Variants in PDLIM5 observed in about 807,000 individuals in gnomAD.
The protein encoded by PDLIM5 is PDZ and LIM domain protein 5.
PDLIM5 carries 34 observed loss-of-function variants against 64.2 expected under a neutral mutation model. That is an observed-to-expected ratio of 0.53 (90% CI 0.40 to 0.71). The LOEUF (loss-of-function observed/expected upper bound fraction) is 0.71, where lower values mean the gene tolerates loss of function less well. Ranked by LOEUF, PDLIM5 falls within the 30% of genes least tolerant of loss-of-function variation. The pLI is 0.00. For missense variants in PDLIM5, 683 were observed against 733.6 expected, an observed-to-expected ratio of 0.93 and a Z score of 0.80; for synonymous variants, 253 against 269.1, an observed-to-expected ratio of 0.94 and a Z score of 0.59.
At chr4:94,504,265 A>C (rs1156809484) in intron 2 of PDLIM5, among the ~76,000 whole-genome samples, 2 of 152,046 alleles carry the variant, frequency 1.3e-5, no homozygotes, top group Non-Finnish European at 2.9e-5. Flanking sequence ...GTGTAATGAG[A>C]ATCAGAACTT....
chr4:94,617,970 C>G (rs1336103917), intron 7 of PDLIM5, 34 bp from the exon 8 acceptor site: 19 of 1,299,896 alleles, frequency 1.5e-5, no homozygotes, highest in Non-Finnish European at 2.0e-5. Flanking sequence ...GTTGCTACCA[C>G]TTCACCAAAG....
intron 2 of PDLIM5, among the ~76,000 whole-genome samples, chr4:94,516,037 A>G (rs1222797495): frequency 1.3e-5 from 2 of 152,258 alleles, no homozygotes; most frequent in African/African-American, 2.4e-5. Flanking sequence ...AGGCATCTCA[A>G]TAGTAAATCA....
chr4:94,656,622 T>G (rs955202160), intron 10 of PDLIM5, among the ~76,000 whole-genome samples: 2 of 149,496 alleles, frequency 1.3e-5, no homozygotes, highest in African/African-American at 2.4e-5. Context: ...TATGTATATT[T>G]TATTATTTTT....
chr4:94,510,062 A>T (rs1349396168), intron 2 of PDLIM5, among the ~76,000 whole-genome samples: 8 of 152,194 alleles, frequency 5.3e-5, no homozygotes, highest in African/African-American at 1.9e-4. Flanking sequence ...CACTCAGTAA[A>T]CGTATAGTAA....
intron 2 of PDLIM5, among the ~76,000 whole-genome samples, chr4:94,477,557 G>A (rs1456677226): frequency 1.3e-5 from 2 of 152,190 alleles, no homozygotes; most frequent in Non-Finnish European, 2.9e-5. Flanking sequence ...GAGGAAAAGA[G>A]TAAGACTGGC....
intron 3 of PDLIM5, among the ~76,000 whole-genome samples, chr4:94,530,909 C>T (rs1250310236): frequency 6.6e-6 from 1 of 152,026 alleles, no homozygotes; most frequent in African/African-American, 2.4e-5. Context: ...GTTTAATATC[C>T]CATTACTGTT....
chr4:94,549,647 G>C (rs1382926180), intron 3 of PDLIM5: 2 of 152,178 alleles, frequency 1.3e-5, no homozygotes, highest in African/African-American at 2.4e-5. Context: ...AGTTAAAAAA[G>C]CAAGGTGTAA....
chr4:94,650,894 G>A (rs1741794131), intron 9 of PDLIM5, among the ~76,000 whole-genome samples: 1 of 151,250 alleles, frequency 6.6e-6, no homozygotes, highest in African/African-American at 2.4e-5. Flanking sequence ...TTCTCTCACA[G>A]CCAACCAAAT....
At chr4:94,553,752 A>G (rs895703312) in intron 3 of PDLIM5, among the ~76,000 whole-genome samples, 4 of 152,150 alleles carry the variant, frequency 2.6e-5, no homozygotes, top group African/African-American at 9.7e-5. Context: ...AGAGCTCTCC[A>G]TGTGTTATGT....
chr4:94,644,785 C>T (rs1229052794), intron 9 of PDLIM5, among the ~76,000 whole-genome samples: 1 of 152,232 alleles, frequency 6.6e-6, no homozygotes, highest in African/African-American at 2.4e-5. Flanking sequence ...TCATGATCCA[C>T]CTGCCTCGGC....
intron 3 of PDLIM5, among the ~76,000 whole-genome samples, chr4:94,543,627 CTA>C: frequency 6.6e-6 from 1 of 152,244 alleles, no homozygotes; most frequent in East Asian, 1.9e-4. Context: ...TTCTGTGCCT[CTA>C]TGAGTTCAAC....
chr4:94,580,652 A>G (rs949476876), intron 5 of PDLIM5, among the ~76,000 whole-genome samples: 3 of 152,136 alleles, frequency 2.0e-5, no homozygotes, highest in Admixed American at 6.6e-5. Context: ...AGGTATTACT[A>G]TGCATTGTTC....
intron 2 of PDLIM5, among the ~76,000 whole-genome samples, chr4:94,521,196 A>G (rs922635385): frequency 1.1e-4 from 17 of 152,158 alleles, no homozygotes; most frequent in African/African-American, 4.1e-4. Context: ...CTCTCATTTT[A>G]TAAATAGGGA....
At chr4:94,464,050 G>A (rs1035026867) in intron 2 of PDLIM5, among the ~76,000 whole-genome samples, 2 of 152,182 alleles carry the variant, frequency 1.3e-5, no homozygotes, top group African/African-American at 4.8e-5. Flanking sequence ...GAGTAAGGAT[G>A]CCAGGGATAT....
At chr4:94,558,015 C>T (rs555183536) in intron 3 of PDLIM5, among the ~76,000 whole-genome samples, 1 of 152,138 alleles carries the variant, frequency 6.6e-6, no homozygotes, top group Non-Finnish European at 1.5e-5. Flanking sequence ...CCAGTTTTTG[C>T]CCATTCAGTA....
chr4:94,477,338 A>G (rs1206947253), intron 2 of PDLIM5, among the ~76,000 whole-genome samples: 1 of 152,220 alleles, frequency 6.6e-6, no homozygotes, highest in Non-Finnish European at 1.5e-5. Context: ...CAGTAAAAGG[A>G]CAATTTAAGT....
chr4:94,458,466 A>C (rs1408437023), intron 2 of PDLIM5, among the ~76,000 whole-genome samples: 1 of 152,160 alleles, frequency 6.6e-6, no homozygotes, highest in Non-Finnish European at 1.5e-5. Context: ...AGTTGTAGGG[A>C]ACATACAGTT....
chr4:94,455,586 G>A (rs548368719), intron 2 of PDLIM5: 19 of 632,948 alleles, frequency 3.0e-5, no homozygotes, highest in Middle Eastern at 4.2e-4. Flanking sequence ...ACTTCTTTTC[G>A]TTTTCCCCCA....
chr4:94,470,027 C>T (rs1324493437), intron 2 of PDLIM5, among the ~76,000 whole-genome samples: 8 of 130,252 alleles, frequency 6.1e-5, no homozygotes, highest in South Asian at 2.4e-4. Flanking sequence ...AGTGCAGTGG[C>T]GTGATCTCGA....
Sources: gnomAD v4.1 joint callset for allele counts (sites outside exome capture counted in the v4.1 genomes callset) on GRCh38, gnomAD v4.1.1 for gene constraint, MANE v1.5 for transcripts, NCBI Gene and HGNC (gene_info 2026-07-23, HGNC 2026-07-21) for gene names.